MAP3K13: variants seen among roughly 807,000 people sequenced by gnomAD.
The protein encoded by MAP3K13 is mitogen-activated protein kinase kinase kinase 13, also known as leucine zipper-bearing kinase.
In MAP3K13, 52 loss-of-function variants were observed where a neutral mutation model predicts 104.0. The ratio of observed to expected loss-of-function variants is 0.50; its 90% CI spans 0.40 to 0.63. The LOEUF (loss-of-function observed/expected upper bound fraction) is 0.63. Among genes scored for constraint, MAP3K13 ranks in the 20% least tolerant of loss-of-function variants. The probability of loss-of-function intolerance (pLI) is 0.00; values close to 1 mark genes in which losing one functional copy is unlikely to be tolerated. For missense variants in MAP3K13, 914 were observed against 1,218.5 expected, an observed-to-expected ratio of 0.75 and a Z score of 3.72; for synonymous variants, 394 against 442.2, an observed-to-expected ratio of 0.89 and a Z score of 1.37.
chr3:185,447,969 G>A, intron 5 of MAP3K13, 22 bp downstream of exon 5: 1 of 1,592,160 alleles, frequency 6.3e-7, no homozygotes, highest in Non-Finnish European at 8.6e-7. Flanking sequence ...CACCAGTTGT[G>A]CCAACTAAAA....
chr3:185,317,102 G>A lies in MAP3K13; in HGVS notation c.-86+31459G>A, dbSNP rs1396539159. 7.2e-5 allele frequency among the ~76,000 whole-genome samples: 11 copies of A among 152,176 alleles called. No homozygotes were observed. The South Asian group carries it at 1.7e-3, about 23-fold the overall frequency. ...CCATTCACTCTTGTGTGCCCTTCAT[G>A]TCAACTTCTGAAACACCAATATGTT... On this transcript the variant is annotated intron_variant, in intron 2 of 14. Transcript: ENST00000424227.
At position 185,473,351 on chromosome 3, in the gene MAP3K13, G is replaced by A. The variant is rs994247483; in HGVS notation, c.2020G>A (p.Gly674Ser). Residue 674 changes from glycine (G) to serine (S), a missense_variant, in exon 11 of 14, where the codon GGC becomes AGC. Physicochemically the swap from Gly to Ser is moderately conservative, Grantham distance 56. Around this residue, in one of 3 missense-constraint regions of MAP3K13, gnomAD observed 583 missense variants for 737.4 expected, o/e 0.79. Transcript: ENST00000265026. This position sits in a 1 kb window ranked among gnomAD's most constrained non-coding sequence, Gnocchi z 4.9. ...ATCANNLRYFGPAAALRSPLS... is the reference protein window; with the variant it reads ...ATCANNLRYFSPAAALRSPLS... ...CTGCGCCAACAACCTGAGGTATTTC[G>A]GCCCAGCAGCAGCCCTGCGGAGCCC... The A allele has an allele frequency of 9.9e-6, 16 of 1,614,050 alleles. No individual in the cohort carries two copies. The highest frequency in any genetic ancestry group is 1.3e-5 in the Non-Finnish European group (15 of 1,180,026).
intron 2 of MAP3K13, among the ~76,000 whole-genome samples, chr3:185,329,922 A>T (rs1577430323): frequency 9.9e-6 from 1 of 101,366 alleles, no homozygotes; most frequent in East Asian, 3.3e-4. Flanking sequence ...TTTGAGACGG[A>T]GTCTCGCTCT....
intron 2 of MAP3K13, among the ~76,000 whole-genome samples, chr3:185,357,290 C>CA (rs993428909): frequency 6.0e-5 from 9 of 150,298 alleles, no homozygotes; most frequent in South Asian, 2.1e-4. Flanking sequence ...ACTAAAAATA[C>CA]AAAAAAAATT....
chr3:185,456,155 T>G (rs1716730937), intron 7 of MAP3K13, among the ~76,000 whole-genome samples: 1 of 152,002 alleles, frequency 6.6e-6, no homozygotes, highest in African/African-American at 2.4e-5. Flanking sequence ...TTTGTTGTTT[T>G]GATTGGAGTT....
chr3:185,332,235 C>A (rs61087959), intron 2 of MAP3K13, among the ~76,000 whole-genome samples: 3 of 151,028 alleles, frequency 2.0e-5, no homozygotes, highest in Admixed American at 1.3e-4. Flanking sequence ...CTCCCCCCCC[C>A]CATTATAAGA....
At position 185,300,281 on chromosome 3, in the gene MAP3K13, C is replaced by T. The variant is rs565054763; in HGVS notation, c.-86+14638C>T. Among the ~76,000 whole-genome samples the T allele has an allele frequency of 3.3e-4, 50 of 151,438 alleles. 1 individual carries two copies. The highest frequency in any genetic ancestry group is 6.9e-4 in the Non-Finnish European group (47 of 67,834). On this transcript the variant is annotated intron_variant, in intron 2 of 14. Coordinates refer to the MAP3K13 transcript ENST00000424227. ...CTCGGCTTATTGCAACCTCCGCCTCCCCGGTTCAAGCTATTCTCCTGCCTC... is the reference window on the plus strand; with the variant it reads ...CTCGGCTTATTGCAACCTCCGCCTCTCCGGTTCAAGCTATTCTCCTGCCTC...
chr3:185,337,367 C>T (rs902428216), intron 2 of MAP3K13, among the ~76,000 whole-genome samples: 6 of 152,190 alleles, frequency 3.9e-5, no homozygotes, highest in African/African-American at 1.2e-4. Context: ...CACAGAACAC[C>T]TGGAAAGTAC....
Position 185,473,740 on chromosome 3 carries a change from A to C in MAP3K13, c.2409A>C (p.Arg803=). 6.2e-7 allele frequency: 1 copy of C among 1,613,490 alleles called. No individual in the cohort carries two copies. The highest frequency in any genetic ancestry group is 8.5e-7 in the Non-Finnish European group (1 of 1,179,850). Residue 803 remains arginine, a synonymous_variant, in exon 11 of 14, where the codon CGA becomes CGC. Transcript: ENST00000265026. This position sits in a 1 kb window ranked among gnomAD's most constrained non-coding sequence, Gnocchi z 4.9. ...TCGGCACCCCTCCAGCGCTACCTCG[A>C]AAAACAAGGCCTCTGCAGAAGGTAA... The part of the protein sequence containing the change: ...SHLGTPPALP[R]KTRPLQKSGD...
chr3:185,400,710 G>A (rs1038415649), intron 1 of MAP3K13, among the ~76,000 whole-genome samples: 1 of 151,738 alleles, frequency 6.6e-6, no homozygotes, highest in African/African-American at 2.4e-5. Context: ...TAAATTTTAA[G>A]TATTTAAGCA....
In MAP3K13 at chr3:185,486,374, T is replaced by C. The variant is rs2148935293; in HGVS notation, c.*3918T>C. 6.6e-6 allele frequency: 1 copy of C among 152,310 alleles called. No homozygotes were observed. The highest frequency in any genetic ancestry group is 6.5e-5 in the Admixed American group (1 of 15,304). 9.4% of individuals were successfully genotyped at this position (152,310 alleles called of 1,614,324 possible). On this transcript the variant is annotated 3_prime_UTR_variant, in exon 14 of 14. Coordinates refer to ENST00000265026, the MANE Select transcript of MAP3K13 (RefSeq NM_004721.5). ...TTGAACACATTTTTTTAAGTAGAAT[T>C]GACTAGAGGTTTCAGAGGAGAATAA... is the stretch of plus-strand genomic sequence containing the variant.
intron 10 of MAP3K13, among the ~76,000 whole-genome samples, chr3:185,467,186 GA>G (rs904675527): frequency 2.0e-5 from 3 of 152,170 alleles, no homozygotes; most frequent in African/African-American, 7.2e-5. Context: ...TCTTAGCATG[GA>G]AAGAGAAATA....
intron 4 of MAP3K13, among the ~76,000 whole-genome samples, chr3:185,446,162 C>T (rs1207616338): frequency 6.6e-6 from 1 of 152,066 alleles, no homozygotes; most frequent in Non-Finnish European, 1.5e-5. Flanking sequence ...TGAAGGAATC[C>T]CTGGTTCAAA....
chr3:185,339,803 G>T lies in MAP3K13; in HGVS notation c.-86+54160G>T, dbSNP rs113572082. ...ATAGTTTGTCTACCTCTGCTTTACAGCAACTATTCACACACAGATACAGCT... is the reference window on the plus strand; with the variant it reads ...ATAGTTTGTCTACCTCTGCTTTACATCAACTATTCACACACAGATACAGCT... On this transcript the variant is annotated intron_variant, in intron 2 of 14. Transcript: ENST00000424227. 5.1e-3 allele frequency among the ~76,000 whole-genome samples: 774 copies of T among 152,322 alleles called. 9 individuals are homozygous for T. The highest frequency in any genetic ancestry group is 0.02 in the Middle Eastern group (6 of 294).
At chr3:185,325,968 G>A (rs9790162) in intron 2 of MAP3K13, among the ~76,000 whole-genome samples, 13,851 of 152,044 alleles carry the variant, frequency 0.091, 876 homozygotes, top group East Asian at 0.2. Context: ...CTTGCTTCAC[G>A]CTTGGTTCCT....
chr3:185,342,155 T>C (rs1364651136), intron 2 of MAP3K13, among the ~76,000 whole-genome samples: 2 of 152,162 alleles, frequency 1.3e-5, no homozygotes, highest in Non-Finnish European at 2.9e-5. Flanking sequence ...ACTACATCCC[T>C]GGTCAACTGC....
chr3:185,466,756 C>A, intron 9 of MAP3K13, 70 bp from the exon 10 acceptor site: 1 of 1,539,734 alleles, frequency 6.5e-7, no homozygotes, highest in Non-Finnish European at 9.0e-7. Flanking sequence ...TAGAATTAGC[C>A]GGTGAAAATA....
chr3:185,467,211 A>G (rs1406098733), intron 10 of MAP3K13, among the ~76,000 whole-genome samples: 1 of 152,208 alleles, frequency 6.6e-6, no homozygotes, highest in Non-Finnish European at 1.5e-5. Context: ...TGGGGGCCAG[A>G]CAGACCTGGA....
chr3:185,397,734 A>G (rs1249795928), intron 1 of MAP3K13, among the ~76,000 whole-genome samples: 3 of 151,836 alleles, frequency 2.0e-5, no homozygotes, highest in Non-Finnish European at 4.4e-5. Flanking sequence ...TATATCTAGG[A>G]TGTCTTATTG....
Sources: allele counts gnomAD v4.1 joint callset (sites outside exome capture counted in the v4.1 genomes callset), GRCh38; gene constraint gnomAD v4.1.1; regional missense constraint gnomAD v4.1.1; non-coding constraint Gnocchi (gnomAD v3.1); transcripts MANE v1.5; gene names NCBI Gene and HGNC (gene_info 2026-07-23, HGNC 2026-07-21).